Variants in ULK1 observed in about 807,000 individuals in gnomAD.
ULK1 encodes unc-51 like autophagy activating kinase 1.
In ULK1, 48 loss-of-function variants were observed where a neutral mutation model predicts 117.5. The ratio of observed to expected loss-of-function variants is 0.41; its 90% confidence interval spans 0.32 to 0.52. The LOEUF (loss-of-function observed/expected upper bound fraction) is 0.52. Ranked by LOEUF, ULK1 falls within the 20% of genes least tolerant of loss-of-function variation. The probability of loss-of-function intolerance (pLI) is 0.29; values close to 1 mark genes in which losing one functional copy is unlikely to be tolerated. For missense variants in ULK1, 1,387 were observed against 1,473.4 expected (o/e 0.94, Z 0.96); for synonymous variants, 790 against 637.8 (o/e 1.24, Z -3.60).
chr12:131,920,837 G>C (rs886962549), intron 26 of ULK1: 6 of 490,782 alleles, frequency 1.2e-5, no homozygotes, highest in African/African-American at 9.6e-5. Flanking sequence ...CAGCAGTAAT[G>C]ACACTGACTG....
At chr12:131,917,862 G>C (rs1057494998) in intron 22 of ULK1, among the ~76,000 whole-genome samples, 1 of 152,226 alleles carries the variant, frequency 6.6e-6, no homozygotes, top group Non-Finnish European at 1.5e-5. Flanking sequence ...TCCTTGCCCA[G>C]CTGCCGTGGG....
rs765947806 is a variant in ULK1, at chr12:131,917,538, C to T, written c.2310C>T (p.Arg770=). 3.5e-6 allele frequency: 5 copies of T among 1,439,266 alleles called. No homozygotes were observed. Among genetic ancestry groups the T allele is most frequent in the Admixed American group, 5.2e-5 (2 of 38,412 alleles). The allele number at this position is 1,439,266 out of a possible 1,614,324, so 89.2% of individuals were successfully genotyped here. Residue 770 remains arginine (R), a synonymous_variant, in exon 22 of 28, where the codon CGC becomes CGT. Transcript: ENST00000321867. ...PSGSTPPQGP[R]TRMFSAGPTG... ...GGAGCACGCCCCCCCAGGGCCCCCG[C>T]ACCAGGATGTTCTCAGGTGAGGGCT...
Position 131,912,079 on chromosome 12 carries a change from G to A in ULK1, c.1086G>A (p.Ala362=), listed in dbSNP as rs143274719. Reference sequence around the variant, plus strand: ...CAGACGACTTCGTCATGGTCCCCGCGCAGTTTCCAGGTCAGGGGGCACGCT... The same window carrying A: ...CAGACGACTTCGTCATGGTCCCCGCACAGTTTCCAGGTCAGGGGGCACGCT... ...CDTDDFVMVP[A]QFPGDLVAEA... The change falls in exon 13 of 28, where the codon GCG becomes GCA. Residue 362 remains alanine (A), a synonymous_variant. Coordinates refer to ENST00000321867, the MANE Select transcript of ULK1 (RefSeq NM_003565.4). 17 of 1,611,600 alleles carry A rather than the reference G, an allele frequency of 1.1e-5. No individual in the cohort carries two copies. Among genetic ancestry groups the A allele is most frequent in the Middle Eastern group, 1.6e-4 (1 of 6,078 alleles).
Position 131,912,079 on chromosome 12 carries a change from G to T in ULK1, c.1086G>T (p.Ala362=). The change falls in exon 13 of 28, where the codon GCG becomes GCT. Residue 362 remains alanine, a synonymous_variant. Transcript: ENST00000321867. ...CAGACGACTTCGTCATGGTCCCCGC[G>T]CAGTTTCCAGGTCAGGGGGCACGCT... ...CDTDDFVMVP[A]QFPGDLVAEA... is the part of the protein sequence containing the mutation. 1 of 1,611,718 alleles carries T rather than the reference G, an allele frequency of 6.2e-7. No individual in the cohort carries two copies. The highest frequency in any genetic ancestry group is 8.5e-7 in the Non-Finnish European group (1 of 1,179,402).
chr12:131,915,748 G>C (rs1889749455), intron 18 of ULK1, 143 bp from the exon 19 acceptor site: 11 of 1,175,276 alleles, frequency 9.4e-6, no homozygotes, highest in Non-Finnish European at 1.3e-5. Flanking sequence ...CAGCCTGAAT[G>C]ACAGGGCGAG....
Position 131,919,551 on chromosome 12 carries a change from C to T in ULK1, c.2764C>T (p.Arg922Trp), listed in dbSNP as rs543744479. The T allele has an allele frequency of 6.2e-6, 10 of 1,612,090 alleles. No individual in the cohort carries two copies. The highest frequency in any genetic ancestry group is 1.7e-5 in the Admixed American group (1 of 59,994). ...SGLQSAIDQI[R>W]AGKLCLSSTV... ...CCTGCAAAGTGCCATCGACCAGATC[C>T]GGGCCGGCAAGCTCTGCCTGTCGTC... Residue 922 changes from arginine (R) to tryptophan (W), a missense_variant, in exon 25 of 28, where the codon CGG becomes TGG. Transcript: ENST00000321867.
At chr12:131,907,400 G>A (rs2136388798) in intron 4 of ULK1, 95 bp from the exon 5 acceptor site, 1 of 1,505,854 alleles carries the variant, frequency 6.6e-7, no homozygotes, top group Non-Finnish European at 9.0e-7. Context: ...GGCTCAGGGA[G>A]TAGTGTCCAA....
chr12:131,895,055 C>G lies in ULK1; in HGVS notation c.54C>G (p.Arg18=). 6.3e-7 allele frequency: 1 copy of G among 1,585,478 alleles called. No homozygotes were observed. The highest frequency in any genetic ancestry group is 8.5e-7 in the Non-Finnish European group (1 of 1,172,624). Residue 18 remains arginine (R), a synonymous_variant, in exon 1 of 28, where the codon CGC becomes CGG. Coordinates refer to ENST00000321867, the MANE Select transcript of ULK1 (RefSeq NM_003565.4). ...CCGTGGGCAAGTTCGAGTTCTCCCGCAAGGACCTGATCGGCCACGGCGCCT... is the reference window on the plus strand; with the variant it reads ...CCGTGGGCAAGTTCGAGTTCTCCCGGAAGGACCTGATCGGCCACGGCGCCT... The part of the protein sequence containing the change: ...TETVGKFEFS[R]KDLIGHGAFA...
chr12:131,918,791 TCG>T (rs199948950), intron 23 of ULK1, 110 bp downstream of exon 23: 8 of 1,014,978 alleles, frequency 7.9e-6, no homozygotes, highest in South Asian at 6.0e-5. Flanking sequence ...GTGTGGGGTG[TCG>T]GGGGTGTGGG....
intron 14 of ULK1, 31 bp downstream of exon 14, chr12:131,913,289 AG>A: frequency 6.6e-7 from 1 of 1,512,594 alleles, no homozygotes; most frequent in African/African-American, 1.4e-5. Flanking sequence ...TCTGTATTTT[AG>A]GGGAGAGAAA....
chr12:131,911,965 G>A lies in ULK1; in HGVS notation c.972G>A (p.Leu324=), dbSNP rs755473094. ...AGTCCCTGGGCGAGATGCAGCAGCT[G>A]CAGAAGACCCTGGCCTCCCCGGCTG... The part of the protein sequence containing the change: ...SPPSLGEMQQ[L]QKTLASPADT... The change falls in exon 13 of 28, where the codon CTG becomes CTA. Residue 324 remains leucine, a synonymous_variant. Transcript: ENST00000321867. 4 of 1,612,736 alleles carry A rather than the reference G, an allele frequency of 2.5e-6. No homozygotes were observed. The highest frequency in any genetic ancestry group is 2.7e-5 in the African/African-American group (2 of 74,922).
At chr12:131,914,513 G>A in intron 16 of ULK1, 36 bp downstream of exon 16, 1 of 1,597,192 alleles carries the variant, frequency 6.3e-7, no homozygotes, top group Non-Finnish European at 8.5e-7. Flanking sequence ...AGGCGTGGCT[G>A]GGGCCTTGTG....
chr12:131,914,125 C>T (rs896451006), intron 15 of ULK1, among the ~76,000 whole-genome samples: 29 of 152,380 alleles, frequency 1.9e-4, no homozygotes, highest in African/African-American at 6.7e-4. Flanking sequence ...GGTGGCCCCC[C>T]ACTGGCTGGG....
At chr12:131,910,879 GA>G (rs1047307478) in intron 12 of ULK1, 79 bp downstream of exon 12, 7 of 1,577,470 alleles carry the variant, frequency 4.4e-6, no homozygotes, top group Admixed American at 3.6e-5. Context: ...CCCCCGCGGG[GA>G]CGTGCTGTGA....
Position 131,894,669 on chromosome 12 carries a change from C to T in ULK1, c.-333C>T, listed in dbSNP as rs1372867231. On this transcript the variant is annotated 5_prime_UTR_variant, in exon 1 of 28. Transcript: ENST00000321867. The stretch of plus-strand genomic sequence containing the variant: ...AGGCTCTGAGGCCCGGGCGCCGCGG[C>T]TCTTTTGTTTCTCCGTTGGGGCCGA... The T allele has an allele frequency of 6.6e-6, 1 of 151,584 alleles. No individual in the cohort carries two copies. The highest frequency in any genetic ancestry group is 1.9e-4 in the East Asian group (1 of 5,148). The allele number at this position is 151,584 out of a possible 1,614,324, so 9.4% of individuals were successfully genotyped here.
chr12:131,912,649 T>A (rs1036313329), intron 13 of ULK1, among the ~76,000 whole-genome samples: 4 of 152,166 alleles, frequency 2.6e-5, no homozygotes, highest in Non-Finnish European at 4.4e-5. Flanking sequence ...AGGGACACAA[T>A]GACTCATGCC....
chr12:131,919,114 T>C, intron 23 of ULK1, 98 bp from the exon 24 acceptor site: 1 of 1,403,708 alleles, frequency 7.1e-7, no homozygotes, highest in Non-Finnish European at 9.4e-7. Context: ...GAGGGTACCC[T>C]GCCCTGCCTC....
rs1191754500 is a variant in ULK1 at position 131,915,347 on chromosome 12, C to G, written c.1535C>G (p.Pro512Arg). The G allele has an allele frequency of 6.2e-7, 1 of 1,612,812 alleles. No individual in the cohort carries two copies. Among genetic ancestry groups the G allele is most frequent in the Admixed American group, 1.7e-5 (1 of 60,026 alleles). ...YTPSPQVGTI[P>R]ERPGWSGTPS... is the part of the protein sequence containing the mutation. ...TCTTTTCCCCAAGTTGGAACCATCCCTGAGCGGCCAGGCTGGAGCGGGACG... is the reference window on the plus strand; with the variant it reads ...TCTTTTCCCCAAGTTGGAACCATCCGTGAGCGGCCAGGCTGGAGCGGGACG... The change falls in exon 18 of 28, where the codon CCT (proline) becomes CGT (arginine). Residue 512 changes from proline to arginine, a missense_variant. Physicochemically the swap from Pro to Arg is moderately radical, Grantham distance 103. Transcript: ENST00000321867.
At chr12:131,919,860 G>C (rs1430027250) in intron 25 of ULK1, 119 bp from the exon 26 acceptor site, 2 of 1,430,626 alleles carry the variant, frequency 1.4e-6, no homozygotes, top group East Asian at 4.8e-5. Context: ...GCCACGGGGA[G>C]CCAGGGCTGT....
Sources: gnomAD v4.1 joint callset for allele counts (sites outside exome capture counted in the v4.1 genomes callset) on GRCh38, gnomAD v4.1.1 for gene constraint, MANE v1.5 for transcripts, NCBI Gene and HGNC (gene_info 2026-07-23, HGNC 2026-07-21) for gene names.